Variants in EBF1 observed in about 807,000 individuals in gnomAD.
EBF1 encodes the protein EBF transcription factor 1, also known as transcription factor COE1.
Under a neutral mutation model 68.4 loss-of-function variants are expected in EBF1, and 10 were observed. The observed-to-expected ratio is 0.15, with a 90% CI of 0.09 to 0.25. The LOEUF (loss-of-function observed/expected upper bound fraction) is 0.25. Among genes scored for constraint, EBF1 ranks in the 10% least tolerant of loss-of-function variants. The pLI is 1.00. For synonymous variants in EBF1, 298 were observed against 299.8 expected (o/e 0.99, Z 0.06); for missense variants, 509 against 794.4 (o/e 0.64, Z 4.32).
Position 158,850,278 on chromosome 5 carries a change from T to C in EBF1, c.555-10168A>G, listed in dbSNP as rs573442190. ...AAACTCTTAATGATTTACTATTTCT[T>C]CATTCAGCCTATTTTCTTAGGTTAT... On this transcript the variant is annotated intron_variant, in intron 6 of 15. Transcript: ENST00000313708. 1.1e-4 allele frequency among the ~76,000 whole-genome samples: 17 copies of C among 152,370 alleles called. No homozygotes were observed. In the South Asian group the frequency reaches 3.3e-3, roughly 30 times the overall value.
chr5:158,959,550 C>T (rs1319081913), intron 6 of EBF1, among the ~76,000 whole-genome samples: 1 of 151,992 alleles, frequency 6.6e-6, no homozygotes, highest in Non-Finnish European at 1.5e-5. Flanking sequence ...CCTCGGCCTC[C>T]CAAAGTGCTG....
At position 158,766,521 on chromosome 5, in the gene EBF1, T is replaced by C. The variant is rs551249976; in HGVS notation, c.1036+10892A>G. Among the ~76,000 whole-genome samples, 4 of 152,298 alleles carry C rather than the reference T, an allele frequency of 2.6e-5. No individual in the cohort carries two copies. The South Asian group carries it at 8.3e-4, about 32-fold the overall frequency. ...AATATTGTAAGTAGACATTTGATAATGTATTGGTATCTATAAATATGTATA... is the reference window on the plus strand; with the variant it reads ...AATATTGTAAGTAGACATTTGATAACGTATTGGTATCTATAAATATGTATA... On this transcript the variant is annotated intron_variant, in intron 10 of 15. Coordinates refer to ENST00000313708, the MANE Select transcript of EBF1 (RefSeq NM_024007.5).
At chr5:158,848,948 T>C (rs968861474) in intron 6 of EBF1, among the ~76,000 whole-genome samples, 1 of 152,216 alleles carries the variant, frequency 6.6e-6, no homozygotes, top group Admixed American at 6.5e-5. Flanking sequence ...AAAGTACAAA[T>C]GTTCGTTGTC....
chr5:158,775,783 G>GAC (rs58752245), intron 10 of EBF1, among the ~76,000 whole-genome samples: 3,497 of 129,532 alleles, frequency 0.027, 78 homozygotes, highest in East Asian at 0.1. Context: ...CATGCACACA[G>GAC]ACACACACAC....
chr5:158,759,747 G>A (rs1196214642), intron 10 of EBF1, among the ~76,000 whole-genome samples: 1 of 151,976 alleles, frequency 6.6e-6, no homozygotes, highest in African/African-American at 2.4e-5. Flanking sequence ...TTGCCAATCT[G>A]ATTATTATCT....
At chr5:158,859,733 G>T (rs938006423) in intron 6 of EBF1, among the ~76,000 whole-genome samples, 5 of 152,180 alleles carry the variant, frequency 3.3e-5, no homozygotes, top group Non-Finnish European at 7.3e-5. Context: ...CTGGAAAGCT[G>T]TCTATTGCAA....
chr5:158,958,337 C>T (rs1021501278), intron 6 of EBF1, among the ~76,000 whole-genome samples: 1 of 152,134 alleles, frequency 6.6e-6, no homozygotes, highest in Non-Finnish European at 1.5e-5. Flanking sequence ...GGTTGTGACC[C>T]ACTCCTGTTA....
At position 158,999,545 on chromosome 5, in the gene EBF1, C is replaced by A. The variant is rs76424982; in HGVS notation, c.554+73851G>T. Among the ~76,000 whole-genome samples, 227 of 152,280 alleles carry A rather than the reference C, an allele frequency of 1.5e-3. 2 individuals are homozygous for A. Among genetic ancestry groups the A allele is most frequent in the Admixed American group, 4.4e-3 (67 of 15,306 alleles). On this transcript the variant is annotated intron_variant, in intron 6 of 15. Transcript: ENST00000313708. Reference sequence around the variant, plus strand: ...TGCCTCTTAAAATGCTGTAACTATACACAAATATTTTAAATCTATTCCAAG... The same window carrying A: ...TGCCTCTTAAAATGCTGTAACTATAAACAAATATTTTAAATCTATTCCAAG...
chr5:158,867,411 C>T (rs749317215), intron 6 of EBF1, among the ~76,000 whole-genome samples: 7 of 152,168 alleles, frequency 4.6e-5, no homozygotes, highest in Non-Finnish European at 8.8e-5. Context: ...GTATTTTCAT[C>T]TAACTCAAGG....
chr5:158,930,534 C>T (rs1447118313), intron 6 of EBF1, among the ~76,000 whole-genome samples: 1 of 152,168 alleles, frequency 6.6e-6, no homozygotes, highest in Admixed American at 6.5e-5. Flanking sequence ...TGCCACTACA[C>T]AATTCAGCAT....
At chr5:158,813,847 C>T (rs182665664) in intron 8 of EBF1, among the ~76,000 whole-genome samples, 12 of 152,282 alleles carry the variant, frequency 7.9e-5, no homozygotes, top group Admixed American at 3.9e-4. Flanking sequence ...TTCTAAATAT[C>T]TCATCTTAAG....
chr5:158,871,960 C>T (rs923211760), intron 6 of EBF1, among the ~76,000 whole-genome samples: 2 of 152,214 alleles, frequency 1.3e-5, no homozygotes, highest in South Asian at 4.1e-4. Context: ...CAGGTAGTTA[C>T]CACAGCAGGT....
At chr5:158,819,467 T>A (rs1784399164) in intron 8 of EBF1, among the ~76,000 whole-genome samples, 2 of 152,216 alleles carry the variant, frequency 1.3e-5, no homozygotes, top group African/African-American at 2.4e-5. Context: ...ACAGAGAAAC[T>A]GATGCCACAG....
At chr5:158,957,547 T>C (rs1019146138) in intron 6 of EBF1, among the ~76,000 whole-genome samples, 2 of 152,232 alleles carry the variant, frequency 1.3e-5, no homozygotes, top group East Asian at 3.8e-4. Context: ...CCAGAGCACT[T>C]GGTTAATCAA....
At chr5:158,840,661 T>G (rs933339484) in intron 6 of EBF1, among the ~76,000 whole-genome samples, 95 of 87,594 alleles carry the variant, frequency 1.1e-3, no homozygotes, top group East Asian at 3.1e-3. Flanking sequence ...TTTTTTTTTT[T>G]TTTTTTTTTT....
rs1443017576 is a variant in EBF1 at position 158,860,107 on chromosome 5, C to T, written c.555-19997G>A. Among the ~76,000 whole-genome samples, 3 of 152,202 alleles carry T rather than the reference C, an allele frequency of 2.0e-5. No homozygotes were observed. In the East Asian group the frequency reaches 5.8e-4, roughly 29 times the overall value. On this transcript the variant is annotated intron_variant, in intron 6 of 15. Coordinates refer to ENST00000313708, the MANE Select transcript of EBF1 (RefSeq NM_024007.5). The stretch of plus-strand genomic sequence containing the variant: ...TGCCAATAAACTTCTAGTTCCGCAC[C>T]TACTAATGATGCTATCAACATGATT...
intron 8 of EBF1, among the ~76,000 whole-genome samples, chr5:158,815,277 G>T (rs1172003744): frequency 6.6e-6 from 1 of 152,102 alleles, no homozygotes; most frequent in East Asian, 1.9e-4. Flanking sequence ...AATGTTTATT[G>T]TTATTATTCT....
chr5:159,072,335 G>A (rs1286117873), intron 6 of EBF1, among the ~76,000 whole-genome samples: 1 of 152,168 alleles, frequency 6.6e-6, no homozygotes, highest in Admixed American at 6.5e-5. Context: ...TTGAAGCGAA[G>A]TAAACATCTT....
intron 6 of EBF1, among the ~76,000 whole-genome samples, chr5:159,005,929 G>A (rs1763461218): frequency 1.3e-5 from 2 of 152,124 alleles, no homozygotes; most frequent in Non-Finnish European, 2.9e-5. Context: ...TAAAAAATCA[G>A]TTCACCTAAT....
Sources: gnomAD v4.1 joint callset for allele counts (sites outside exome capture counted in the v4.1 genomes callset) on GRCh38, gnomAD v4.1.1 for gene constraint, MANE v1.5 for transcripts, NCBI Gene and HGNC (gene_info 2026-07-23, HGNC 2026-07-21) for gene names.